The following FGD5 variants were observed in gnomAD, a reference collection of about 807,000 sequenced individuals.
The protein encoded by FGD5 is FYVE, RhoGEF and PH domain containing 5.
Under a neutral mutation model 133.4 loss-of-function variants are expected in FGD5, and 28 were observed. The ratio of observed to expected loss-of-function variants is 0.21; its 90% CI spans 0.16 to 0.29. The LOEUF is 0.29. FGD5 is among the 10% of genes least tolerant of loss of function. The pLI, the probability that FGD5 is intolerant of heterozygous loss-of-function variation, is 1.00. For synonymous variants in FGD5, 810 were observed against 776.5 expected (o/e 1.04, Z -0.72); for missense variants, 1,858 against 1,895.2 (o/e 0.98, Z 0.36).
In FGD5 at chr3:14,820,737, C is replaced by G. The variant is rs1383729120; in HGVS notation, c.1666C>G (p.Arg556Gly). Residue 556 changes from arginine (R) to glycine (G), a missense_variant, in exon 1 of 20, where the codon CGA becomes GGA. Physicochemically the swap from Arg to Gly is moderately radical, Grantham distance 125. Coordinates refer to ENST00000285046, the MANE Select transcript of FGD5 (RefSeq NM_152536.4). Reference sequence around the variant, plus strand: ...CCCTCGGTCGTTCTCCGTGGAAGGCCGAGAGATTCCAGTGTCCGTGTACCA... The same window carrying G: ...CCCTCGGTCGTTCTCCGTGGAAGGCGGAGAGATTCCAGTGTCCGTGTACCA... ...LYPRSFSVEG[R>G]EIPVSVYQEP... 63 of 1,607,740 alleles carry G rather than the reference C, an allele frequency of 3.9e-5. No individual in the cohort carries two copies. The Admixed American group carries it at 1.1e-3, about 27-fold the overall frequency.
At chr3:14,817,693 C>G (rs2036394656), upstream of FGD5, among the ~76,000 whole-genome samples, 1 of 152,190 alleles carries the variant, frequency 6.6e-6, no homozygotes, top group Admixed American at 6.5e-5. Flanking sequence ...TTCATCTTCC[C>G]TCCTGTTAGG....
intron 4 of FGD5, among the ~76,000 whole-genome samples, chr3:14,885,584 G>A (rs535924830): frequency 5.3e-5 from 8 of 152,328 alleles, no homozygotes; most frequent in South Asian, 2.1e-4. Flanking sequence ...GCTGTTGTCC[G>A]AGACTTAAGC....
At chr3:14,848,673 TA>T (rs2037101593) in intron 1 of FGD5, among the ~76,000 whole-genome samples, 1 of 152,170 alleles carries the variant, frequency 6.6e-6, no homozygotes, top group African/African-American at 2.4e-5. Flanking sequence ...TTTATGCAAA[TA>T]AAAAAGATTA....
chr3:14,914,651 T>G (rs571142345), intron 11 of FGD5, among the ~76,000 whole-genome samples: 5 of 151,966 alleles, frequency 3.3e-5, no homozygotes, highest in Non-Finnish European at 7.4e-5. Context: ...TGTGCACAGG[T>G]TCACTGTGAG....
At chr3:14,830,472 A>T (rs559265477) in intron 1 of FGD5, among the ~76,000 whole-genome samples, 1 of 146,764 alleles carries the variant, frequency 6.8e-6, no homozygotes, top group Non-Finnish European at 1.5e-5. Context: ...TATTTTTTTT[A>T]CCTTGCAGAG....
chr3:14,908,007 T>G (rs2038372124), intron 10 of FGD5, among the ~76,000 whole-genome samples: 1 of 152,178 alleles, frequency 6.6e-6, no homozygotes, highest in Admixed American at 6.5e-5. Flanking sequence ...CACCAAATAT[T>G]TTCAGTGCAG....
rs1168327274 is a variant in FGD5, at chr3:14,844,204, TAAAAA to T, written c.2526-19914_2526-19910del. ...ACATTTCTCACATCTTAATAGGCATTAAAAAAAAAAAAAATATATATATATATATA... is the reference window on the plus strand; with the variant it reads ...ACATTTCTCACATCTTAATAGGCATTAAAAAAAAATATATATATATATATA... On this transcript the variant is annotated intron_variant, in intron 1 of 19. Transcript: ENST00000285046. Among the ~76,000 whole-genome samples, 46 of 17,220 alleles carry T rather than the reference TAAAAA, an allele frequency of 2.7e-3. 1 individual carries two copies. Among genetic ancestry groups the T allele is most frequent in the East Asian group, 0.012 (4 of 336 alleles). The allele number at this position is 17,220 out of a possible 152,430, so 11.3% of individuals were successfully genotyped here. A position where few individuals can be genotyped will look rare whatever the true frequency, so the allele number is the denominator to read the frequency against.
Position 14,882,220 on chromosome 3 carries a change from C to G in FGD5, c.2748+1448C>G, listed in dbSNP as rs1047389034. 4 of 849,668 alleles carry G rather than the reference C, an allele frequency of 4.7e-6. No homozygotes were observed. The African/African-American group carries it at 7.4e-5, about 16-fold the overall frequency. The allele number at this position is 849,668 out of a possible 1,614,324, so 52.6% of individuals were successfully genotyped here. The stretch of plus-strand genomic sequence containing the variant: ...CATTTTTTTTTTAACTTCTCTCTCC[C>G]TTATTTCTGGGCTGACAGCATGACA... On this transcript the variant is annotated intron_variant, in intron 4 of 19. Transcript: ENST00000285046.
chr3:14,864,172 C>T lies in FGD5; in HGVS notation c.2570C>T (p.Ala857Val). Residue 857 changes from alanine (A) to valine (V), a missense_variant, in exon 2 of 20, where the codon GCC becomes GTC. Ala to Val is a moderately conservative substitution (Grantham distance 64). Around this residue, in one of 3 missense-constraint regions of FGD5, gnomAD observed 1,824 missense variants for 1,848.9 expected, o/e 0.99. Transcript: ENST00000285046. Reference protein sequence around the residue: ...PYKVCPISSAAPKEDLTSDEE... With the variant: ...PYKVCPISSAVPKEDLTSDEE... ...AAAGTCTGTCCCATCTCGTCGGCAG[C>T]CCCCAAAGAGGACCTTACGTCGGAT... 1 of 1,614,024 alleles carries T rather than the reference C, an allele frequency of 6.2e-7. No homozygotes were observed. The highest frequency in any genetic ancestry group is 1.3e-5 in the African/African-American group (1 of 75,056).
chr3:14,835,058 A>G (rs1276800974), intron 1 of FGD5, among the ~76,000 whole-genome samples: 1 of 152,190 alleles, frequency 6.6e-6, no homozygotes, highest in Non-Finnish European at 1.5e-5. Flanking sequence ...GAAATCCCAG[A>G]GCAGGCCCCA....
upstream of FGD5, among the ~76,000 whole-genome samples, chr3:14,816,737 C>T (rs529452010): frequency 6.6e-6 from 1 of 152,238 alleles, no homozygotes; most frequent in African/African-American, 2.4e-5. Context: ...TGACTGTGTA[C>T]GGAAACAAGG....
intron 1 of FGD5, among the ~76,000 whole-genome samples, chr3:14,855,487 G>A (rs1014426678): frequency 2.6e-5 from 4 of 152,152 alleles, no homozygotes; most frequent in African/African-American, 9.7e-5. Flanking sequence ...GTGTAGAAGA[G>A]TTCCCTTTTC....
rs2038575640 is a variant in FGD5, at chr3:14,917,257, T to C, written c.3414T>C (p.Asp1138=). Residue 1138 remains aspartate, a synonymous_variant, in exon 12 of 20, where the codon GAT becomes GAC. Transcript: ENST00000285046. This position sits in a 1 kb window ranked among gnomAD's most constrained non-coding sequence, Gnocchi z 4.1. ...RRPRHLFLMN[D]VLLYTYPQKD... is the part of the protein sequence containing the mutation. ...GGTTTCCCTCTCTCCAGATGAACGA[T>C]GTGCTCCTGTACACCTATCCCCAGA... The C allele has an allele frequency of 1.9e-6, 3 of 1,613,496 alleles. No homozygotes were observed. The highest frequency in any genetic ancestry group is 2.5e-6 in the Non-Finnish European group (3 of 1,179,704).
rs112033067 is a variant in FGD5 at position 14,917,420 on chromosome 3, C to G, written c.3489+88C>G. 1.1e-3 allele frequency: 1,421 copies of G among 1,237,790 alleles called. 18 individuals are homozygous for G. In the African/African-American group the frequency reaches 0.019, roughly 16 times the overall value. The allele number at this position is 1,237,790 out of a possible 1,614,324, so 76.7% of individuals were successfully genotyped here. Reference sequence around the variant, plus strand: ...ACAGCATCCTGCTCCCAGGAGCACCCAGACCAGCTGGAAGAGGGAGGCCCT... The same window carrying G: ...ACAGCATCCTGCTCCCAGGAGCACCGAGACCAGCTGGAAGAGGGAGGCCCT... On this transcript the variant is annotated intron_variant, in intron 12 of 19. Coordinates refer to ENST00000285046, the MANE Select transcript of FGD5 (RefSeq NM_152536.4). The surrounding 1 kb of genome is among the most constrained non-coding windows in gnomAD (Gnocchi z 4.1).
intron 1 of FGD5, among the ~76,000 whole-genome samples, chr3:14,859,882 T>TC (rs36039471): frequency 1.3e-5 from 2 of 151,224 alleles, no homozygotes; most frequent in South Asian, 2.1e-4. Context: ...CTCGAACCAC[T>TC]CCCCCCCCAA....
At chr3:14,824,073 C>T (rs1273553570) in intron 1 of FGD5, among the ~76,000 whole-genome samples, 3 of 152,320 alleles carry the variant, frequency 2.0e-5, no homozygotes, top group Non-Finnish European at 2.9e-5. Context: ...ACGGTTGCAC[C>T]ACTCTGATGC....
chr3:14,926,038 G>C lies in FGD5; in HGVS notation c.4069-32G>C, dbSNP rs769667096. On this transcript the variant is annotated intron_variant, in intron 17 of 19. Transcript: ENST00000285046. ...GTTTGAACTGTGCCTGACCACCGGG[G>C]TGGGCTGACCGCTCTGCTTCCCTCC... The C allele has an allele frequency of 5.0e-6, 8 of 1,611,662 alleles. No homozygotes were observed. The African/African-American group carries it at 8.0e-5, about 16-fold the overall frequency.
Position 14,917,311 on chromosome 3 carries a change from A to G in FGD5, c.3468A>G (p.Thr1156=), listed in dbSNP as rs770178615. 8 of 1,613,472 alleles carry G rather than the reference A, an allele frequency of 5.0e-6. No homozygotes were observed. The highest frequency in any genetic ancestry group is 6.8e-6 in the Non-Finnish European group (8 of 1,179,722). The change falls in exon 12 of 20, where the codon ACA becomes ACG. Residue 1156 remains threonine (T), a synonymous_variant. Transcript: ENST00000285046. This position sits in a 1 kb window ranked among gnomAD's most constrained non-coding sequence, Gnocchi z 4.1. ...ATGGGAAGTACCGGCTGAAGAACAC[A>G]TTGGCTGTGGCCAACATGAAGGTAA... is the stretch of plus-strand genomic sequence containing the variant. ...QKDGKYRLKN[T]LAVANMKVSR...
chr3:14,866,270 T>A (rs776311532), intron 2 of FGD5, among the ~76,000 whole-genome samples: 1 of 152,124 alleles, frequency 6.6e-6, no homozygotes, highest in Admixed American at 6.5e-5. Context: ...GGAACACAAA[T>A]GTGAGAGTGC....
Sources: gnomAD v4.1 joint callset for allele counts (sites outside exome capture counted in the v4.1 genomes callset) on GRCh38, gnomAD v4.1.1 for gene constraint, gnomAD v4.1.1 regional missense constraint, Gnocchi (gnomAD v3.1) non-coding constraint, MANE v1.5 for transcripts, NCBI Gene and HGNC (gene_info 2026-07-23, HGNC 2026-07-21) for gene names.